The following DKKL1 variants were observed in gnomAD, a reference collection of about 807,000 sequenced individuals.
The protein encoded by DKKL1 is dickkopf-like protein 1.
Under a neutral mutation model 16.5 loss-of-function variants are expected in DKKL1, and 11 were observed. That is an observed-to-expected ratio of 0.67 (90% CI 0.42 to 1.10). The LOEUF is 1.10. Ranked by LOEUF, DKKL1 falls within the 50% of genes least tolerant of loss-of-function variation. DKKL1 has a pLI of 0.00. For synonymous variants in DKKL1, 119 were observed against 133.2 expected (o/e 0.89, Z 0.73); for missense variants, 320 against 308.1 (o/e 1.04, Z -0.29).
rs1187194295 is a variant in DKKL1 at position 49,370,772 on chromosome 19, T to TA, written c.418-3945_418-3944insA. The TA allele has an allele frequency of 1.2e-4, 18 of 151,768 alleles. No individual in the cohort carries two copies. In the East Asian group the frequency reaches 3.1e-3, roughly 26 times the overall value. 9.4% of individuals were successfully genotyped at this position (151,768 alleles called of 1,614,324 possible). On this transcript the variant is annotated intron_variant, in intron 4 of 4. Coordinates refer to ENST00000221498, the MANE Select transcript of DKKL1 (RefSeq NM_014419.4). ...TGTAATGTGAAGGCACCCTAGGGAG[T>TA]CCAGGTAAATGATTTCAAGGATGAC...
At chr19:49,365,335 A>C (rs1568591771) in intron 2 of DKKL1, among the ~76,000 whole-genome samples, 174 bp from the exon 3 acceptor site, 1 of 151,952 alleles carries the variant, frequency 6.6e-6, no homozygotes, top group Admixed American at 6.6e-5. Flanking sequence ...ATAGAGAGAG[A>C]ATTCATGGGG....
At position 49,374,575 on chromosome 19, in the gene DKKL1, G is replaced by A. The variant is rs569154384; in HGVS notation, c.418-142G>A. The A allele has an allele frequency of 7.5e-5, 51 of 684,302 alleles. 1 individual carries two copies. The Middle Eastern group carries it at 1.0e-3, about 14-fold the overall frequency. The allele number at this position is 684,302 out of a possible 1,614,324, so 42.4% of individuals were successfully genotyped here. On this transcript the variant is annotated intron_variant, in intron 4 of 4. Transcript: ENST00000221498. ...TTTTAATCCTTAAGTGTAAACCCAA[G>A]TGCTTTGTAAACCTCAAACAGGGCT... is the stretch of plus-strand genomic sequence containing the variant.
At chr19:49,368,131 G>A (rs139830324) in intron 4 of DKKL1, among the ~76,000 whole-genome samples, 3,464 of 152,036 alleles carry the variant, frequency 0.023, 145 homozygotes, top group African/African-American at 0.079. Flanking sequence ...TGGGCAACAC[G>A]GTGAAACCCT....
chr19:49,370,934 T>G (rs940835434), intron 4 of DKKL1: 3 of 152,234 alleles, frequency 2.0e-5, no homozygotes, highest in Non-Finnish European at 4.4e-5. Context: ...TCAGGGCAAG[T>G]GCTGGCCGTT....
chr19:49,365,227 A>G (rs1432595191), intron 2 of DKKL1, among the ~76,000 whole-genome samples: 1 of 151,648 alleles, frequency 6.6e-6, no homozygotes, highest in Non-Finnish European at 1.5e-5. Context: ...GCAAAGAGAG[A>G]GGAGATGGGA....
At chr19:49,364,114 C>A in intron 1 of DKKL1, 106 bp downstream of exon 1, 1 of 1,442,530 alleles carries the variant, frequency 6.9e-7, no homozygotes. Flanking sequence ...CTTTGGGAGG[C>A]CCAGGTGGGC....
upstream of DKKL1, chr19:49,362,200 T>A (rs995118471): frequency 2.6e-5 from 4 of 152,232 alleles, no homozygotes; most frequent in Non-Finnish European, 5.9e-5. Flanking sequence ...GAGTTCCCAC[T>A]CCTCACTGAG....
chr19:49,368,525 C>T (rs1287924710), intron 4 of DKKL1, among the ~76,000 whole-genome samples: 1 of 146,366 alleles, frequency 6.8e-6, no homozygotes, highest in Non-Finnish European at 1.5e-5. Flanking sequence ...AATTTCAAGA[C>T]TACAGAAAAG....
intron 4 of DKKL1, among the ~76,000 whole-genome samples, chr19:49,367,079 T>G (rs1232725045): frequency 1.3e-5 from 2 of 151,702 alleles, no homozygotes; most frequent in Admixed American, 6.6e-5. Context: ...CAGGCTAGAG[T>G]GCAATGGCAC....
upstream of DKKL1, among the ~76,000 whole-genome samples, chr19:49,362,864 A>C (rs1344184707): frequency 6.7e-6 from 1 of 149,140 alleles, no homozygotes; most frequent in Non-Finnish European, 1.5e-5. Context: ...AAGAGTCTTT[A>C]CTGTTAAGCC....
At chr19:49,372,626 GGAGCTTGCAGT>G (rs1031773236) in intron 4 of DKKL1, among the ~76,000 whole-genome samples, 8 of 151,694 alleles carry the variant, frequency 5.3e-5, no homozygotes, top group Admixed American at 5.3e-4. Flanking sequence ...CCCGGGAGGT[GGAGCTTGCAGT>G]GAGCCGAGAT....
rs1264074060 is a variant in DKKL1 at position 49,374,763 on chromosome 19, C to T, written c.464C>T (p.Ala155Val). ...EKEALVPIQK[A>V]TDSFHTELHP... ...GAGGCCCTGGTACCCATCCAGAAGG[C>T]CACGGACAGCTTCCACACAGAACTC... Residue 155 changes from alanine to valine, a missense_variant, in exon 5 of 5, where the codon GCC becomes GTC. Transcript: ENST00000221498. 2 of 1,585,810 alleles carry T rather than the reference C, an allele frequency of 1.3e-6. No individual in the cohort carries two copies. The highest frequency in any genetic ancestry group is 1.7e-6 in the Non-Finnish European group (2 of 1,163,766).
intron 4 of DKKL1, chr19:49,369,692 A>T (rs1298051537): frequency 2.0e-5 from 3 of 152,492 alleles, no homozygotes; most frequent in African/African-American, 7.2e-5. Flanking sequence ...CACTCTGAGA[A>T]AGGCTGGAGG....
chr19:49,361,039 A>C, upstream of DKKL1, among the ~76,000 whole-genome samples: 1 of 58,574 alleles, frequency 1.7e-5, no homozygotes, highest in African/African-American at 8.6e-5. Flanking sequence ...GGAGGGGGGG[A>C]CAGAGACCAG....
Position 49,365,613 on chromosome 19 carries a change from G to A in DKKL1, c.288G>A (p.Gly96=). Residue 96 remains glycine, a synonymous_variant, in exon 3 of 5, where the codon GGG becomes GGA. Transcript: ENST00000221498. The stretch of plus-strand genomic sequence containing the variant: ...AGGAGAACCAGGAGCACCAGCTGGG[G>A]AACAACACCCTCTCCAGCCACCTCC... The part of the protein sequence containing the change: ...HKEENQEHQL[G]NNTLSSHLQI... The A allele has an allele frequency of 1.2e-6, 2 of 1,613,598 alleles. No individual in the cohort carries two copies. Among genetic ancestry groups the A allele is most frequent in the South Asian group, 1.1e-5 (1 of 90,914 alleles).
At chr19:49,364,347 C>CAAA (rs566267475) in intron 1 of DKKL1, among the ~76,000 whole-genome samples, 29 of 76,802 alleles carry the variant, frequency 3.8e-4, no homozygotes, top group Admixed American at 1.6e-3. Flanking sequence ...GTCTCGGTCT[C>CAAA]AAAAAAAAAA....
In DKKL1 at chr19:49,369,791, C is replaced by T. The variant is rs112144292; in HGVS notation, c.417+3906C>T. 1,079 of 153,864 alleles carry T rather than the reference C, an allele frequency of 7.0e-3. 20 individuals are homozygous for T. Among genetic ancestry groups the T allele is most frequent in the Middle Eastern group, 0.039 (13 of 336 alleles). The allele number at this position is 153,864 out of a possible 1,614,324, so 9.5% of individuals were successfully genotyped here. ...TGTGGCTCACCTCCTACAGTTGTGG[C>T]GGTGACAGCGAGGGAGACTTCAGCC... On this transcript the variant is annotated intron_variant, in intron 4 of 4. Transcript: ENST00000221498.
intron 4 of DKKL1, among the ~76,000 whole-genome samples, chr19:49,374,401 C>T (rs994514366): frequency 6.6e-6 from 1 of 152,188 alleles, no homozygotes; most frequent in Non-Finnish European, 1.5e-5. Flanking sequence ...TTTCAAACTG[C>T]TATCCTCTAA....
At chr19:49,367,113 G>A (rs563803177) in intron 4 of DKKL1, among the ~76,000 whole-genome samples, 5 of 150,922 alleles carry the variant, frequency 3.3e-5, no homozygotes, top group Admixed American at 6.6e-5. Flanking sequence ...TGCAACCTCC[G>A]CCACTGAGGT....
Sources: gnomAD v4.1 joint callset for allele counts (sites outside exome capture counted in the v4.1 genomes callset) on GRCh38, gnomAD v4.1.1 for gene constraint, MANE v1.5 for transcripts, NCBI Gene and HGNC (gene_info 2026-07-23, HGNC 2026-07-21) for gene names.